Variants in GCC2 observed in about 807,000 individuals in gnomAD.
GCC2 encodes the protein GRIP and coiled-coil domain-containing protein 2.
GCC2 carries 120 observed loss-of-function variants against 210.6 expected under a neutral mutation model. The observed-to-expected ratio is 0.57, with a 90% CI of 0.49 to 0.66. The LOEUF is 0.66. Among genes scored for constraint, GCC2 ranks in the 30% least tolerant of loss-of-function variants. The pLI, the probability that GCC2 is intolerant of heterozygous loss-of-function variation, is 0.00. For synonymous variants in GCC2, 703 were observed against 652.7 expected, an observed-to-expected ratio of 1.08 and a Z score of -1.17; for missense variants, 1,868 against 1,871.9, an observed-to-expected ratio of 1.00 and a Z score of 0.04.
chr2:108,489,874 C>A lies in GCC2; in HGVS notation c.4089C>A (p.Ile1363=), dbSNP rs1682324530. Residue 1363 remains isoleucine, a synonymous_variant, in exon 18 of 23, where the codon ATC becomes ATA. Coordinates refer to ENST00000309863, the MANE Select transcript of GCC2 (RefSeq NM_181453.4). The part of the protein sequence containing the change: ...HLEMLIDQLK[I]KLQDSQNNLQ... ...AAATGCTGATTGACCAGCTAAAAATCAAATTACAAGATAGCCAAAATAACT... is the reference window on the plus strand; with the variant it reads ...AAATGCTGATTGACCAGCTAAAAATAAAATTACAAGATAGCCAAAATAACT... The A allele has an allele frequency of 2.5e-6, 4 of 1,604,996 alleles. No homozygotes were observed. The South Asian group carries it at 3.3e-5, about 13-fold the overall frequency.
At chr2:108,483,014 T>C in intron 11 of GCC2, 48 bp from the exon 12 acceptor site, 1 of 986,602 alleles carries the variant, frequency 1.0e-6, no homozygotes, top group Admixed American at 1.8e-5. Context: ...AAAAATACCT[T>C]TTTAATATTG....
At chr2:108,479,764 C>T (rs1404688780) in intron 9 of GCC2, among the ~76,000 whole-genome samples, 1 of 152,030 alleles carries the variant, frequency 6.6e-6, no homozygotes, top group African/African-American at 2.4e-5. Context: ...GCATGCGGAT[C>T]ACCTGAGGTC....
chr2:108,482,538 T>C (rs3213887), intron 11 of GCC2, 87 bp downstream of exon 11: 263,202 of 650,854 alleles, frequency 0.4, 59,762 homozygotes, highest in East Asian at 0.83. Flanking sequence ...TTACTAAGAG[T>C]AGCATTTATG....
At chr2:108,474,467 A>G (rs1302017197) in intron 7 of GCC2, among the ~76,000 whole-genome samples, 1 of 152,216 alleles carries the variant, frequency 6.6e-6, no homozygotes, top group African/African-American at 2.4e-5. Flanking sequence ...GTCAGTGTCC[A>G]TGACATGCTG....
At chr2:108,505,605 A>G (rs186499015) in intron 22 of GCC2, among the ~76,000 whole-genome samples, 13 of 152,306 alleles carry the variant, frequency 8.5e-5, no homozygotes, top group Admixed American at 7.8e-4. Context: ...CCCATAGGCA[A>G]GGAACACAGG....
At chr2:108,453,259 C>T (rs1335994202) in intron 4 of GCC2, among the ~76,000 whole-genome samples, 1 of 152,216 alleles carries the variant, frequency 6.6e-6, no homozygotes, top group Non-Finnish European at 1.5e-5. Context: ...TTTAGAGACA[C>T]TTTAACTTCT....
At chr2:108,493,835 T>C (rs1262320554) in intron 19 of GCC2, 2 of 985,232 alleles carry the variant, frequency 2.0e-6, no homozygotes, top group African/African-American at 3.5e-5. Flanking sequence ...GAGATTGTAA[T>C]CTAGCAATCA....
Position 108,506,256 on chromosome 2 carries a change from G to T in GCC2, c.4985-1304G>T, listed in dbSNP as rs114535991. Among the ~76,000 whole-genome samples, 1,405 of 152,254 alleles carry T rather than the reference G, an allele frequency of 9.2e-3. 15 individuals are homozygous for T. The highest frequency in any genetic ancestry group is 0.02 in the Middle Eastern group (6 of 294). On this transcript the variant is annotated intron_variant, in intron 22 of 22. Transcript: ENST00000309863. Reference sequence around the variant, plus strand: ...CTTCAACTGGCAAATGAATAAACTGGTACAGCCATGCAATTGAATACTGCT... The same window carrying T: ...CTTCAACTGGCAAATGAATAAACTGTTACAGCCATGCAATTGAATACTGCT...
At chr2:108,486,818 T>A (rs1682164871) in intron 16 of GCC2, among the ~76,000 whole-genome samples, 170 bp downstream of exon 16, 1 of 152,240 alleles carries the variant, frequency 6.6e-6, no homozygotes, top group African/African-American at 2.4e-5. Context: ...ATGCCAACCC[T>A]AATCGTAAGT....
intron 4 of GCC2, 39 bp from the exon 5 acceptor site, chr2:108,468,940 AT>A: frequency 7.4e-7 from 1 of 1,344,716 alleles, no homozygotes; most frequent in African/African-American, 1.4e-5. Flanking sequence ...TCAATCCACC[AT>A]TTTTTAACCC....
intron 9 of GCC2, among the ~76,000 whole-genome samples, chr2:108,478,188 G>A (rs1681642508): frequency 6.6e-6 from 1 of 151,384 alleles, no homozygotes; most frequent in African/African-American, 2.4e-5. Flanking sequence ...AATTTTAAAT[G>A]GGTTTTTTAA....
chr2:108,498,504 T>C (rs1160069091), intron 21 of GCC2, among the ~76,000 whole-genome samples: 1 of 152,266 alleles, frequency 6.6e-6, no homozygotes, highest in African/African-American at 2.4e-5. Context: ...AAATGTTATA[T>C]TTTCATAAAT....
Position 108,495,624 on chromosome 2 carries a change from G to T in GCC2, c.4642+139G>T, listed in dbSNP as rs1682614632. On this transcript the variant is annotated intron_variant, in intron 20 of 22. Coordinates refer to ENST00000309863, the MANE Select transcript of GCC2 (RefSeq NM_181453.4). The stretch of plus-strand genomic sequence containing the variant: ...ATATTCCACTACCTGTTTGTATTAG[G>T]GTTCTCTAGAGGGACAGAACTAATT... 6 of 519,934 alleles carry T rather than the reference G, an allele frequency of 1.2e-5. No homozygotes were observed. The East Asian group carries it at 2.0e-4, about 17-fold the overall frequency. The allele number at this position is 519,934 out of a possible 1,614,324, so 32.2% of individuals were successfully genotyped here.
Position 108,492,760 on chromosome 2 carries a change from T to C in GCC2, c.4417T>C (p.Phe1473Leu). ...GCTCTCCAAGATGGAAGCACAGCTC[T>C]TCCAGCTTAAGAATGAACCGACCAC... The part of the protein sequence containing the change: ...QQLSKMEAQL[F>L]QLKNEPTTRS... Residue 1473 changes from phenylalanine (F) to leucine (L), a missense_variant, in exon 19 of 23, where the codon TTC becomes CTC. Coordinates refer to ENST00000309863, the MANE Select transcript of GCC2 (RefSeq NM_181453.4). 2 of 1,612,982 alleles carry C rather than the reference T, an allele frequency of 1.2e-6. No homozygotes were observed. The highest frequency in any genetic ancestry group is 1.7e-6 in the Non-Finnish European group (2 of 1,178,916).
Position 108,509,219 on chromosome 2 carries a change from T to C in GCC2, c.*1589T>C, listed in dbSNP as rs1391818434. 2 of 152,652 alleles carry C rather than the reference T, an allele frequency of 1.3e-5. No individual in the cohort carries two copies. Among genetic ancestry groups the C allele is most frequent in the African/African-American group, 4.8e-5 (2 of 41,462 alleles). The allele number at this position is 152,652 out of a possible 1,614,324, so 9.5% of individuals were successfully genotyped here. A position where few individuals can be genotyped will look rare whatever the true frequency, so the allele number is the denominator to read the frequency against. On this transcript the variant is annotated 3_prime_UTR_variant, in exon 23 of 23. Coordinates refer to ENST00000309863, the MANE Select transcript of GCC2 (RefSeq NM_181453.4). ...TCACTTTCTCTTTGACTTTAGACCT[T>C]TTGAAGTCTGTATAAACTTGTTTTG...
chr2:108,496,888 T>A, intron 20 of GCC2, 82 bp from the exon 21 acceptor site: 1 of 1,578,912 alleles, frequency 6.3e-7, no homozygotes, highest in East Asian at 2.3e-5. Context: ...AGTAAGATAT[T>A]TATATTTAGA....
chr2:108,461,314 T>G (rs962179049), intron 4 of GCC2, among the ~76,000 whole-genome samples: 1 of 152,116 alleles, frequency 6.6e-6, no homozygotes, highest in African/African-American at 2.4e-5. Context: ...CTCTTTGCTG[T>G]TTTTAGAATT....
At chr2:108,503,446 A>G (rs1464219718) in intron 22 of GCC2, among the ~76,000 whole-genome samples, 2 of 152,228 alleles carry the variant, frequency 1.3e-5, no homozygotes, top group African/African-American at 4.8e-5. Context: ...TTTCCTAGGT[A>G]AAAGGTCTAA....
At position 108,471,375 on chromosome 2, in the gene GCC2, A is replaced by T. The variant is rs141805666; in HGVS notation, c.2046A>T (p.Val682=). Residue 682 remains valine, a synonymous_variant, in exon 6 of 23, where the codon GTA becomes GTT. Transcript: ENST00000309863. ...AAGTTCTCTCTGAAGACAAAGAAGTATTGTCAGCTGAAGTGAAGTCTCTTT... is the reference window on the plus strand; with the variant it reads ...AAGTTCTCTCTGAAGACAAAGAAGTTTTGTCAGCTGAAGTGAAGTCTCTTT... ...QMKVLSEDKE[V]LSAEVKSLYE... is the part of the protein sequence containing the mutation. 6.2e-6 allele frequency: 10 copies of T among 1,609,060 alleles called. No homozygotes were observed. Among genetic ancestry groups the T allele is most frequent in the Non-Finnish European group, 8.5e-6 (10 of 1,178,704 alleles).
Sources: allele counts gnomAD v4.1 joint callset (sites outside exome capture counted in the v4.1 genomes callset), GRCh38; gene constraint gnomAD v4.1.1; transcripts MANE v1.5; gene names NCBI Gene and HGNC (gene_info 2026-07-23, HGNC 2026-07-21).